The following CD53 variants were observed in gnomAD, a reference collection of about 807,000 sequenced individuals.
The protein encoded by CD53 is CD53 molecule, also known as leukocyte surface antigen CD53.
In CD53, 20 loss-of-function variants were observed where a neutral mutation model predicts 27.3. The ratio of observed to expected loss-of-function variants is 0.73; its 90% CI spans 0.52 to 1.07. CD53 has a LOEUF of 1.07. Among genes scored for constraint, CD53 ranks in the 50% least tolerant of loss-of-function variants. CD53 has a pLI of 0.00. For synonymous variants in CD53, 106 were observed against 105.3 expected (o/e 1.01, Z -0.04); for missense variants, 216 against 264.0 (o/e 0.82, Z 1.26).
intron 1 of CD53, among the ~76,000 whole-genome samples, chr1:110,875,963 T>C (rs1452651730): frequency 6.6e-6 from 1 of 152,224 alleles, no homozygotes; most frequent in East Asian, 1.9e-4. Context: ...CAGCAGAATT[T>C]CTACCCAAGC....
chr1:110,879,747 A>C (rs944385280), intron 1 of CD53, among the ~76,000 whole-genome samples: 1 of 152,076 alleles, frequency 6.6e-6, no homozygotes, highest in Non-Finnish European at 1.5e-5. Flanking sequence ...AAAAATTTTA[A>C]AATAGAGACA....
intron 1 of CD53, among the ~76,000 whole-genome samples, chr1:110,889,327 C>T (rs1188816340): frequency 1.3e-5 from 2 of 151,684 alleles, no homozygotes; most frequent in African/African-American, 2.4e-5. Context: ...GAGGCTGAGA[C>T]GGGTAGATCA....
intron 4 of CD53, 79 bp downstream of exon 4, chr1:110,894,480 C>A: frequency 9.3e-7 from 1 of 1,071,500 alleles, no homozygotes; most frequent in Non-Finnish European, 1.5e-6. Context: ...TACAAAGTTA[C>A]AGAATAAGTT....
In CD53 at chr1:110,891,447, G is replaced by T. The variant is rs138351842; in HGVS notation, c.39G>T (p.Leu13=). ...MSSLKLLKYV[L]FFFNLLFWIC... ...GCTTGAAACTGCTGAAGTATGTCCTGTTTTTCTTCAACTTGCTCTTTTGGG... is the reference window on the plus strand; with the variant it reads ...GCTTGAAACTGCTGAAGTATGTCCTTTTTTTCTTCAACTTGCTCTTTTGGG... Residue 13 remains leucine (L), a synonymous_variant, in exon 2 of 8, where the codon CTG becomes CTT. Transcript: ENST00000271324. 1 of 1,613,924 alleles carries T rather than the reference G, an allele frequency of 6.2e-7. No individual in the cohort carries two copies. Among genetic ancestry groups the T allele is most frequent in the Admixed American group, 1.7e-5 (1 of 60,026 alleles).
At chr1:110,897,709 T>C in intron 6 of CD53, 100 bp from the exon 7 acceptor site, 3 of 681,740 alleles carry the variant, frequency 4.4e-6, no homozygotes. Context: ...CCTCTTTGTA[T>C]TACATAAAGC....
intron 1 of CD53, among the ~76,000 whole-genome samples, chr1:110,876,716 A>T (rs1353795086): frequency 6.6e-6 from 1 of 152,138 alleles, no homozygotes; most frequent in African/African-American, 2.4e-5. Context: ...TAGAAGACAA[A>T]TTGTAATGAT....
chr1:110,881,308 G>T (rs1042940774), intron 1 of CD53, among the ~76,000 whole-genome samples: 8 of 150,896 alleles, frequency 5.3e-5, no homozygotes, highest in African/African-American at 1.7e-4. Context: ...TGTTGCTATA[G>T]ATTAGTTTTC....
chr1:110,890,412 C>G (rs956644765), intron 1 of CD53, among the ~76,000 whole-genome samples: 1 of 152,000 alleles, frequency 6.6e-6, no homozygotes, highest in Non-Finnish European at 1.5e-5. Flanking sequence ...ACTAAAAATA[C>G]AAAAATTATC....
chr1:110,885,728 G>A (rs1656561511), intron 1 of CD53, among the ~76,000 whole-genome samples: 1 of 151,726 alleles, frequency 6.6e-6, no homozygotes, highest in Non-Finnish European at 1.5e-5. Context: ...GCTGGGCGTG[G>A]TGGTGCATGC....
At chr1:110,894,770 T>G (rs1656991280) in intron 4 of CD53, among the ~76,000 whole-genome samples, 190 bp from the exon 5 acceptor site, 1 of 152,182 alleles carries the variant, frequency 6.6e-6, no homozygotes, top group Non-Finnish European at 1.5e-5. Context: ...ACTAAATACT[T>G]CTTCCTTCAA....
chr1:110,887,432 T>G (rs967162104), intron 1 of CD53, among the ~76,000 whole-genome samples: 1 of 152,234 alleles, frequency 6.6e-6, no homozygotes, highest in Non-Finnish European at 1.5e-5. Context: ...GGTTTTCATC[T>G]ATCGCCATAT....
chr1:110,879,019 A>G (rs1254612926), intron 1 of CD53, among the ~76,000 whole-genome samples: 1 of 151,860 alleles, frequency 6.6e-6, no homozygotes, highest in Non-Finnish European at 1.5e-5. Flanking sequence ...TTATTGTTTG[A>G]TTTCTTTTTG....
chr1:110,898,089 A>T (rs755524217), intron 7 of CD53, among the ~76,000 whole-genome samples, 197 bp downstream of exon 7: 1 of 152,184 alleles, frequency 6.6e-6, no homozygotes, highest in East Asian at 1.9e-4. Flanking sequence ...CTATAAGAAC[A>T]TCTCTTGGCC....
intron 1 of CD53, among the ~76,000 whole-genome samples, chr1:110,874,418 AT>A (rs1656053334): frequency 6.6e-6 from 1 of 152,176 alleles, no homozygotes; most frequent in South Asian, 2.1e-4. Context: ...TAGAAGGAGA[AT>A]ATTTGTCTAG....
upstream of CD53, among the ~76,000 whole-genome samples, chr1:110,871,584 T>C (rs1378980436): frequency 6.6e-6 from 1 of 151,878 alleles, no homozygotes; most frequent in Non-Finnish European, 1.5e-5. Context: ...CTATATAGAT[T>C]TGTGAATCTT....
chr1:110,892,105 A>G (rs908551068), intron 2 of CD53, among the ~76,000 whole-genome samples: 2 of 152,216 alleles, frequency 1.3e-5, no homozygotes, highest in Admixed American at 1.3e-4. Context: ...GGCTCACAGA[A>G]GTGATCTTTC....
At chr1:110,883,907 G>A (rs1656459770) in intron 1 of CD53, among the ~76,000 whole-genome samples, 1 of 151,744 alleles carries the variant, frequency 6.6e-6, no homozygotes, top group Non-Finnish European at 1.5e-5. Flanking sequence ...GATAATCTTT[G>A]TTCTCTATTT....
intron 1 of CD53, among the ~76,000 whole-genome samples, chr1:110,887,125 G>A (rs1169964458): frequency 1.1e-4 from 16 of 151,360 alleles, no homozygotes; most frequent in Admixed American, 5.9e-4. Context: ...GTGCAGTGGC[G>A]CGATCTCGGC....
chr1:110,881,289 T>C (rs1656346220), intron 1 of CD53, among the ~76,000 whole-genome samples: 1 of 151,916 alleles, frequency 6.6e-6, no homozygotes, highest in African/African-American at 2.4e-5. Context: ...CAGTCATTGA[T>C]CTGCTTTCTG....
Sources: allele counts gnomAD v4.1 joint callset (sites outside exome capture counted in the v4.1 genomes callset), GRCh38; gene constraint gnomAD v4.1.1; transcripts MANE v1.5; gene names NCBI Gene and HGNC (gene_info 2026-07-23, HGNC 2026-07-21).